Variants in DCDC1 observed in about 807,000 individuals in gnomAD.
DCDC1 encodes the protein doublecortin domain containing 1.
In DCDC1, 200 loss-of-function variants were observed where a neutral mutation model predicts 178.3. That is an observed-to-expected ratio of 1.12 (90% CI 1.00 to 1.26). The LOEUF is 1.26. Ranked by LOEUF, DCDC1 falls within the 50% of genes most tolerant of loss-of-function variation. The probability of loss-of-function intolerance (pLI) is 0.00; values close to 1 mark genes in which losing one functional copy is unlikely to be tolerated. For synonymous variants in DCDC1, 690 were observed against 604.8 expected (o/e 1.14, Z -2.07); for missense variants, 1,983 against 1,749.2 (o/e 1.13, Z -2.38).
At chr11:30,964,742 T>A (rs1949329299) in intron 20 of DCDC1, among the ~76,000 whole-genome samples, 2 of 152,178 alleles carry the variant, frequency 1.3e-5, no homozygotes, top group South Asian at 4.1e-4. Context: ...ATCATTGCAT[T>A]CAAGAATGTG....
chr11:31,265,499 C>G lies in DCDC1; in HGVS notation c.1054+8G>C. The G allele has an allele frequency of 7.2e-7, 1 of 1,383,166 alleles. No homozygotes were observed. Among genetic ancestry groups the G allele is most frequent in the Non-Finnish European group, 9.6e-7 (1 of 1,044,454 alleles). 85.7% of individuals were successfully genotyped at this position (1,383,166 alleles called of 1,614,324 possible). A position where few individuals can be genotyped will look rare whatever the true frequency, so the allele number is the denominator to read the frequency against. ...TATCAAATGGTTTACAAAATCTTTG[C>G]CACTTACCTTTTGAAATATCTTCAA... On this transcript the variant is annotated splice_region_variant and intron_variant, in intron 8 of 38. Transcript: ENST00000684477.
At chr11:31,352,294 G>A (rs1317772896) in intron 1 of DCDC1, among the ~76,000 whole-genome samples, 2 of 152,062 alleles carry the variant, frequency 1.3e-5, no homozygotes, top group East Asian at 1.9e-4. Flanking sequence ...CATCCTTATC[G>A]TGTATATGCA....
chr11:30,989,972 A>G (rs527311257), intron 20 of DCDC1, among the ~76,000 whole-genome samples: 3 of 152,270 alleles, frequency 2.0e-5, no homozygotes, highest in Admixed American at 6.5e-5. Context: ...GTGTGTGTGC[A>G]TACGTGAGCC....
At chr11:31,078,785 T>G (rs1180355050) in intron 17 of DCDC1, among the ~76,000 whole-genome samples, 3 of 152,136 alleles carry the variant, frequency 2.0e-5, no homozygotes, top group Non-Finnish European at 4.4e-5. Context: ...AATCCTAGCC[T>G]CAGAGGTTTT....
chr11:31,325,550 C>T (rs924754375), intron 3 of DCDC1, among the ~76,000 whole-genome samples: 1 of 151,946 alleles, frequency 6.6e-6, no homozygotes. Flanking sequence ...TAAGCAAATG[C>T]AGCATGGAGT....
At chr11:31,263,645 C>T (rs542800835) in intron 8 of DCDC1, among the ~76,000 whole-genome samples, 1 of 152,156 alleles carries the variant, frequency 6.6e-6, no homozygotes, top group South Asian at 2.1e-4. Flanking sequence ...GAGTTAGAAA[C>T]AATAAGTATC....
intron 7 of DCDC1, among the ~76,000 whole-genome samples, chr11:31,285,266 T>C (rs2137327667): frequency 6.6e-6 from 1 of 152,214 alleles, no homozygotes; most frequent in East Asian, 1.9e-4. Flanking sequence ...TTTAATCAGA[T>C]ATTAATCTCT....
chr11:31,265,653 A>C (rs1945103765), intron 7 of DCDC1, 53 bp from the exon 8 acceptor site: 1 of 810,484 alleles, frequency 1.2e-6, no homozygotes. Flanking sequence ...TAAATTGAAT[A>C]CACATTTAAA....
intron 3 of DCDC1, among the ~76,000 whole-genome samples, chr11:31,321,921 G>A (rs1416000543): frequency 6.6e-6 from 1 of 152,058 alleles, no homozygotes; most frequent in East Asian, 1.9e-4. Context: ...GTTACTGAAG[G>A]GAAAAATTCC....
chr11:31,355,108 G>A (rs1310911309), intron 1 of DCDC1, among the ~76,000 whole-genome samples: 3 of 152,130 alleles, frequency 2.0e-5, no homozygotes, highest in African/African-American at 7.2e-5. Flanking sequence ...TGGCTAGAGA[G>A]GGTAATCAAT....
intron 9 of DCDC1, among the ~76,000 whole-genome samples, chr11:31,204,822 A>AAAAAC (rs1324003629): frequency 6.6e-6 from 1 of 152,214 alleles, no homozygotes; most frequent in Non-Finnish European, 1.5e-5. Context: ...ACTCCATCTC[A>AAAAAC]AAAACAAAAC....
intron 3 of DCDC1, chr11:31,312,837 T>A: frequency 6.6e-6 from 1 of 152,060 alleles, no homozygotes; most frequent in East Asian, 1.9e-4. Context: ...TTATCCTATG[T>A]ACATATATAA....
In DCDC1 at chr11:31,144,720, T is replaced by G. The variant is rs186501288; in HGVS notation, c.1222-6936A>C. Among the ~76,000 whole-genome samples, 225 of 152,282 alleles carry G rather than the reference T, an allele frequency of 1.5e-3. 1 individual carries two copies. The highest frequency in any genetic ancestry group is 4.0e-3 in the Admixed American group (61 of 15,298). On this transcript the variant is annotated intron_variant, in intron 9 of 38. Transcript: ENST00000684477. ...TATGTATTTTTTCTTTTATGTTGTA[T>G]GTTTACTTTCTTTGCTCTTACTTTC...
At chr11:31,067,542 T>C (rs1956315089) in intron 18 of DCDC1, among the ~76,000 whole-genome samples, 1 of 152,096 alleles carries the variant, frequency 6.6e-6, no homozygotes, top group South Asian at 2.1e-4. Context: ...CTCCTAGTTA[T>C]ATACCTATGA....
At chr11:31,324,885 C>T (rs189661720) in intron 3 of DCDC1, among the ~76,000 whole-genome samples, 1 of 152,118 alleles carries the variant, frequency 6.6e-6, no homozygotes, top group African/African-American at 2.4e-5. Flanking sequence ...GAAAAAGTAA[C>T]CTAGATAATG....
At chr11:30,877,763 C>T (rs906315799) in intron 38 of DCDC1, among the ~76,000 whole-genome samples, 2 of 152,024 alleles carry the variant, frequency 1.3e-5, no homozygotes, top group African/African-American at 2.4e-5. Flanking sequence ...GGCCACCAGC[C>T]ATTTCATTTG....
chr11:31,219,015 A>T (rs1309428807), intron 9 of DCDC1, among the ~76,000 whole-genome samples: 1 of 152,150 alleles, frequency 6.6e-6, no homozygotes, highest in East Asian at 1.9e-4. Context: ...AGCAAGGACA[A>T]GTTTAAACAA....
chr11:31,231,814 C>T (rs1459681791), intron 9 of DCDC1, among the ~76,000 whole-genome samples: 1 of 152,208 alleles, frequency 6.6e-6, no homozygotes, highest in Non-Finnish European at 1.5e-5. Context: ...TTTAGTTTTA[C>T]TTTTCTCCCA....
intron 20 of DCDC1, among the ~76,000 whole-genome samples, chr11:31,027,845 G>T (rs994553552): frequency 6.6e-6 from 1 of 151,846 alleles, no homozygotes; most frequent in African/African-American, 2.4e-5. Flanking sequence ...AAAATGGCAT[G>T]ACTTCTTAAA....
Sources: allele counts gnomAD v4.1 joint callset (sites outside exome capture counted in the v4.1 genomes callset), GRCh38; gene constraint gnomAD v4.1.1; transcripts MANE v1.5; gene names NCBI Gene and HGNC (gene_info 2026-07-23, HGNC 2026-07-21).